The following ENTHD1 variants were observed in gnomAD, a reference collection of about 807,000 sequenced individuals.
The protein encoded by ENTHD1 is ENTH domain-containing protein 1.
Under a neutral mutation model 39.1 loss-of-function variants are expected in ENTHD1, and 23 were observed. That is an observed-to-expected ratio of 0.59 (90% confidence interval 0.42 to 0.83). The LOEUF is 0.83. Ranked by LOEUF, ENTHD1 falls within the 40% of genes least tolerant of loss-of-function variation. ENTHD1 has a pLI of 0.00. For synonymous variants in ENTHD1, 230 were observed against 258.2 expected, an observed-to-expected ratio of 0.89 and a Z score of 1.05; for missense variants, 624 against 705.4, an observed-to-expected ratio of 0.88 and a Z score of 1.31.
intron 5 of ENTHD1, among the ~76,000 whole-genome samples, chr22:39,770,212 C>T (rs976687584): frequency 2.0e-5 from 3 of 152,212 alleles, no homozygotes; most frequent in Non-Finnish European, 1.5e-5. Flanking sequence ...CACCACATAC[C>T]GTGTTCATAC....
intron 4 of ENTHD1, among the ~76,000 whole-genome samples, chr22:39,832,126 T>TC (rs2065873975): frequency 6.6e-6 from 1 of 152,078 alleles, no homozygotes; most frequent in Non-Finnish European, 1.5e-5. Flanking sequence ...GAGACTAGCC[T>TC]CGGCAATATA....
Sources: gnomAD v4.1 joint callset for allele counts (sites outside exome capture counted in the v4.1 genomes callset) on GRCh38, gnomAD v4.1.1 for gene constraint, MANE v1.5 for transcripts, NCBI Gene and HGNC (gene_info 2026-07-23, HGNC 2026-07-21) for gene names.